KPNA6: variants seen among roughly 807,000 people sequenced by gnomAD.
KPNA6 encodes the protein importin subunit alpha-7.
Under a neutral mutation model 72.0 loss-of-function variants are expected in KPNA6, and 9 were observed. The observed-to-expected ratio is 0.13, with a 90% CI of 0.08 to 0.22. The LOEUF is 0.22. Among genes scored for constraint, KPNA6 ranks in the 10% least tolerant of loss-of-function variants. The pLI is 1.00. For missense variants in KPNA6, 374 were observed against 655.7 expected, an observed-to-expected ratio of 0.57 and a Z score of 4.69; for synonymous variants, 219 against 242.1, an observed-to-expected ratio of 0.90 and a Z score of 0.89.
chr1:32,128,558 A>G lies in KPNA6; in HGVS notation c.4+20424A>G, dbSNP rs190461336. Among the ~76,000 whole-genome samples the G allele has an allele frequency of 2.0e-5, 3 of 151,058 alleles. No homozygotes were observed. The East Asian group carries it at 5.8e-4, about 29-fold the overall frequency. ...GCTAAACCACCTAGTTTATAAATTT[A>G]GCTTTGTTTCCTAGAGTGATTACTG... On this transcript the variant is annotated intron_variant, in intron 1 of 13. Coordinates refer to ENST00000373625, the MANE Select transcript of KPNA6 (RefSeq NM_012316.5).
At position 32,108,151 on chromosome 1, in the gene KPNA6, C is replaced by T. The variant is rs879934515; in HGVS notation, c.4+17C>T. The T allele has an allele frequency of 1.3e-5, 21 of 1,613,922 alleles. No homozygotes were observed. Among genetic ancestry groups the T allele is most frequent in the Non-Finnish European group, 1.4e-5 (16 of 1,179,950 alleles). On this transcript the variant is annotated intron_variant, in intron 1 of 13. Coordinates refer to ENST00000373625, the MANE Select transcript of KPNA6 (RefSeq NM_012316.5). ...CCGCGATGGGTGAGTGAGGAAACCA[C>T]GCAGTAGGGTTCTTGGGCTCAGGGA... is the stretch of plus-strand genomic sequence containing the variant.
At chr1:32,108,851 C>T (rs1641194456) in intron 1 of KPNA6, among the ~76,000 whole-genome samples, 1 of 152,194 alleles carries the variant, frequency 6.6e-6, no homozygotes, top group South Asian at 2.1e-4. Flanking sequence ...GTTGATCTTT[C>T]TGAGGGGACT....
At chr1:32,133,038 G>C (rs1470347417) in intron 1 of KPNA6, among the ~76,000 whole-genome samples, 6 of 151,874 alleles carry the variant, frequency 4.0e-5, no homozygotes, top group African/African-American at 1.2e-4. Flanking sequence ...CCTGGCCCCA[G>C]AGTATTTTTT....
chr1:32,117,136 C>T (rs903597321), intron 1 of KPNA6, among the ~76,000 whole-genome samples: 4 of 151,504 alleles, frequency 2.6e-5, no homozygotes, highest in African/African-American at 9.7e-5. Context: ...AGTAGACTTG[C>T]TTAACATAGG....
intron 1 of KPNA6, among the ~76,000 whole-genome samples, chr1:32,138,110 G>A (rs1441246059): frequency 1.3e-5 from 2 of 151,194 alleles, no homozygotes; most frequent in African/African-American, 2.4e-5. Context: ...ACTCTAGCCT[G>A]GATGACAAGA....
intron 1 of KPNA6, among the ~76,000 whole-genome samples, chr1:32,131,882 G>C (rs916010650): frequency 3.3e-5 from 5 of 151,770 alleles, no homozygotes; most frequent in African/African-American, 1.2e-4. Context: ...CTGTGTGACA[G>C]GCAGGGATAC....
intron 7 of KPNA6, 130 bp downstream of exon 7, chr1:32,160,833 C>A: frequency 1.5e-6 from 1 of 671,728 alleles, no homozygotes; most frequent in Non-Finnish European, 2.7e-6. Context: ...ATTCTGATTG[C>A]CAAAGTAAAA....
intron 1 of KPNA6, among the ~76,000 whole-genome samples, chr1:32,137,269 G>C (rs1168800989): frequency 6.6e-6 from 1 of 152,096 alleles, no homozygotes; most frequent in African/African-American, 2.4e-5. Flanking sequence ...CTCAAGCTCC[G>C]TTCAAGCAAT....
intron 1 of KPNA6, among the ~76,000 whole-genome samples, chr1:32,111,763 G>A (rs761017121): frequency 2.0e-5 from 3 of 152,050 alleles, no homozygotes; most frequent in African/African-American, 4.8e-5. Flanking sequence ...TAGCTCAGTC[G>A]TATATCCTAC....
chr1:32,129,836 G>A (rs1300318219), intron 1 of KPNA6, among the ~76,000 whole-genome samples: 2 of 152,092 alleles, frequency 1.3e-5, no homozygotes, highest in Non-Finnish European at 2.9e-5. Context: ...TGAATCAAAC[G>A]TGGTGGAATT....
intron 1 of KPNA6, chr1:32,142,912 GTGAC>G: frequency 7.8e-7 from 1 of 1,276,202 alleles, no homozygotes; most frequent in Non-Finnish European, 1.0e-6. Context: ...TGTCACCATG[GTGAC>G]TAAAGAAGCT....
chr1:32,131,644 GTA>G (rs755674252), intron 1 of KPNA6, among the ~76,000 whole-genome samples: 2 of 150,220 alleles, frequency 1.3e-5, no homozygotes, highest in Non-Finnish European at 1.5e-5. Flanking sequence ...ATATGTATGT[GTA>G]TATATATATA....
At chr1:32,167,453 A>G (rs1217252065) in intron 12 of KPNA6, among the ~76,000 whole-genome samples, 157 bp downstream of exon 12, 1 of 152,056 alleles carries the variant, frequency 6.6e-6, no homozygotes. Context: ...CAGTGTCACT[A>G]GAATCTGGAA....
In KPNA6 at chr1:32,176,499, G is replaced by A. The variant is rs189644980; in HGVS notation, c.*5605G>A. 1.3e-5 allele frequency: 2 copies of A among 152,444 alleles called. No individual in the cohort carries two copies. The highest frequency in any genetic ancestry group is 4.8e-5 in the African/African-American group (2 of 41,552). 9.4% of individuals were successfully genotyped at this position (152,444 alleles called of 1,614,324 possible). A position where few individuals can be genotyped will look rare whatever the true frequency, so the allele number is the denominator to read the frequency against. ...ACACATCCAAATTTGAAGAGAAAAT[G>A]TATTTCTTTAGGTTTCAAACACTGT... is the stretch of plus-strand genomic sequence containing the variant. On this transcript the variant is annotated 3_prime_UTR_variant, in exon 14 of 14. Coordinates refer to ENST00000373625, the MANE Select transcript of KPNA6 (RefSeq NM_012316.5).
chr1:32,166,215 C>T lies in KPNA6; in HGVS notation c.1101C>T (p.Asn367=). 2 of 1,613,918 alleles carry T rather than the reference C, an allele frequency of 1.2e-6. No homozygotes were observed. Among genetic ancestry groups the T allele is most frequent in the Non-Finnish European group, 1.7e-6 (2 of 1,179,960 alleles). ...CTATTTCAAATATTACTGCTGGCAA[C>T]AGGGCTCAAATACAGGTAAAACAGG... ...CWTISNITAG[N]RAQIQAVIDA... Residue 367 remains asparagine (N), a synonymous_variant, in exon 11 of 14, where the codon AAC becomes AAT. Coordinates refer to ENST00000373625, the MANE Select transcript of KPNA6 (RefSeq NM_012316.5).
At chr1:32,115,280 C>T (rs1395233108) in intron 1 of KPNA6, among the ~76,000 whole-genome samples, 1 of 151,812 alleles carries the variant, frequency 6.6e-6, no homozygotes, top group Non-Finnish European at 1.5e-5. Flanking sequence ...GGACCACAGG[C>T]GCCCGCTACC....
intron 1 of KPNA6, among the ~76,000 whole-genome samples, chr1:32,145,513 CG>C (rs1159666872): frequency 1.3e-5 from 2 of 150,980 alleles, no homozygotes; most frequent in African/African-American, 4.9e-5. Context: ...TTAGTAGAGA[CG>C]GGGTTTCATC....
At chr1:32,150,225 C>T (rs1642004998) in intron 1 of KPNA6, among the ~76,000 whole-genome samples, 1 of 150,622 alleles carries the variant, frequency 6.6e-6, no homozygotes, top group Non-Finnish European at 1.5e-5. Context: ...CTCCGCCTCC[C>T]GGGTTCAAGT....
At chr1:32,131,070 G>A (rs1004219542) in intron 1 of KPNA6, among the ~76,000 whole-genome samples, 4 of 151,938 alleles carry the variant, frequency 2.6e-5, no homozygotes, top group Non-Finnish European at 5.9e-5. Flanking sequence ...AAGGCGGATG[G>A]ATCACCTGAG....
Sources: allele counts gnomAD v4.1 joint callset (sites outside exome capture counted in the v4.1 genomes callset), GRCh38; gene constraint gnomAD v4.1.1; transcripts MANE v1.5; gene names NCBI Gene and HGNC (gene_info 2026-07-23, HGNC 2026-07-21).